The following ZNF747 variants were observed in gnomAD, a reference collection of about 807,000 sequenced individuals.
ZNF747 encodes the protein KRAB domain-containing protein ZNF747.
Under a neutral mutation model 13.4 loss-of-function variants are expected in ZNF747, and 14 were observed. The ratio of observed to expected loss-of-function variants is 1.04; its 90% CI spans 0.69 to 1.63. The LOEUF is 1.63. Among genes scored for constraint, ZNF747 ranks in the 40% most tolerant of loss-of-function variants. The probability of loss-of-function intolerance (pLI) is 0.00; values close to 1 mark genes in which losing one functional copy is unlikely to be tolerated. For synonymous variants in ZNF747, 212 were observed against 206.5 expected (o/e 1.03, Z -0.23); for missense variants, 532 against 477.9 (o/e 1.11, Z -1.05).
rs919663827 is a variant in ZNF747 at position 30,533,163 on chromosome 16, G to A, written c.344-12C>T. ...GTTTCTGGAATCTGCTGAAAGATAAGGAGGCGAGAGTTCAGGCTTGGCTCA... is the reference window on the plus strand; with the variant it reads ...GTTTCTGGAATCTGCTGAAAGATAAAGAGGCGAGAGTTCAGGCTTGGCTCA... On this transcript the variant is annotated splice_polypyrimidine_tract_variant and intron_variant, in intron 2 of 2. Coordinates refer to ENST00000693075, the MANE Select transcript of ZNF747 (RefSeq NM_001305018.2). 4 of 1,612,014 alleles carry A rather than the reference G, an allele frequency of 2.5e-6. No individual in the cohort carries two copies. The highest frequency in any genetic ancestry group is 2.2e-5 in the East Asian group (1 of 44,882).
chr16:30,532,079 T>G lies in ZNF747; in HGVS notation c.*420A>C. ...AGGAGAATCGCTTGACTCCAGGAGG[T>G]GGAAGTTGCAGTGAGTCGAGATCGC... On this transcript the variant is annotated 3_prime_UTR_variant, in exon 3 of 3. Transcript: ENST00000693075. The G allele has an allele frequency of 5.4e-6, 1 of 184,934 alleles. No homozygotes were observed. Among genetic ancestry groups the G allele is most frequent in the South Asian group, 9.5e-5 (1 of 10,484 alleles). The allele number at this position is 184,934 out of a possible 1,614,324, so 11.5% of individuals were successfully genotyped here.
Position 30,532,767 on chromosome 16 carries a change from C to T in ZNF747, c.728G>A (p.Cys243Tyr), listed in dbSNP as rs753569798. Reference protein sequence around the residue: ...RGERPHRCPECGRAFMRRTAL... With the variant: ...RGERPHRCPEYGRAFMRRTAL... ...CGTGCGGCGCATGAAGGCCCGACCA[C>T]ACTCGGGACAGCGGTGGGGCCGCTC... is the stretch of plus-strand genomic sequence containing the variant. Residue 243 changes from cysteine (C) to tyrosine (Y), a missense_variant, in exon 3 of 3, where the codon TGT becomes TAT. Transcript: ENST00000693075. 1.3e-6 allele frequency: 2 copies of T among 1,548,248 alleles called. No homozygotes were observed. The highest frequency in any genetic ancestry group is 1.7e-6 in the Non-Finnish European group (2 of 1,149,326).
Position 30,534,719 on chromosome 16 carries a change from C to T in ZNF747, c.-40G>A, listed in dbSNP as rs1194159702. ...CCTGGGCATGCGGAACCTCCCGCGC[C>T]CGAGAACACTTCCCCGGCCCGGTAC... is the stretch of plus-strand genomic sequence containing the variant. On this transcript the variant is annotated 5_prime_UTR_variant, in exon 1 of 3. Transcript: ENST00000693075. The T allele has an allele frequency of 6.8e-7, 1 of 1,477,674 alleles. No homozygotes were observed. Among genetic ancestry groups the T allele is most frequent in the South Asian group, 1.3e-5 (1 of 75,052 alleles). 91.5% of individuals were successfully genotyped at this position (1,477,674 alleles called of 1,614,324 possible).
In ZNF747 at chr16:30,533,081, C is replaced by T. The variant is rs1160740914; in HGVS notation, c.414G>A (p.Val138=). The change falls in exon 3 of 3, where the codon GTG becomes GTA. Residue 138 remains valine, a synonymous_variant. Transcript: ENST00000693075. ...GTGALEKPDP[V]AAGSPGLKAP... Reference sequence around the variant, plus strand: ...CCTTCAGCCCAGGAGACCCGGCGGCCACAGGGTCGGGCTTCTCCAGGGCTC... The same window carrying T: ...CCTTCAGCCCAGGAGACCCGGCGGCTACAGGGTCGGGCTTCTCCAGGGCTC... 1.4e-5 allele frequency: 22 copies of T among 1,612,664 alleles called. No homozygotes were observed. Among genetic ancestry groups the T allele is most frequent in the Non-Finnish European group, 1.8e-5 (21 of 1,180,032 alleles).
chr16:30,532,788 C>T lies in ZNF747; in HGVS notation c.707G>A (p.Arg236Gln), dbSNP rs781517121. 1.9e-6 allele frequency: 3 copies of T among 1,554,720 alleles called. No individual in the cohort carries two copies. The highest frequency in any genetic ancestry group is 1.2e-5 in the South Asian group (1 of 85,124). The change falls in exon 3 of 3, where the codon CGG (arginine) becomes CAG (glutamine). Residue 236 changes from arginine (R) to glutamine (Q), a missense_variant. By Grantham distance (43) the Arg-to-Gln change is conservative (BLOSUM62 1). Coordinates refer to ENST00000693075, the MANE Select transcript of ZNF747 (RefSeq NM_001305018.2). ...SKHRAIHRGE[R>Q]PHRCPECGRA... ...ACCACACTCGGGACAGCGGTGGGGC[C>T]GCTCCCCACGATGGATGGCCCGGTG...
Position 30,534,238 on chromosome 16 carries a change from T to C in ZNF747, c.302A>G (p.Gln101Arg), listed in dbSNP as rs749251836. The stretch of plus-strand genomic sequence containing the variant: ...CGGACACTTCGCCACCTCCGGATCC[T>C]GGGCAGCCGGATCCCACAGTTCGGC... Reference protein sequence around the residue: ...EKAELWDPAAQDPEVAKCPTE... With the variant: ...EKAELWDPAARDPEVAKCPTE... Residue 101 changes from glutamine (Q) to arginine (R), a missense_variant, in exon 2 of 3, where the codon CAG becomes CGG. Physicochemically the swap from Gln to Arg is conservative, Grantham distance 43. Transcript: ENST00000693075. 8 of 1,607,228 alleles carry C rather than the reference T, an allele frequency of 5.0e-6. No homozygotes were observed. Among genetic ancestry groups the C allele is most frequent in the African/African-American group, 4.0e-5 (3 of 74,722 alleles).
At position 30,534,648 on chromosome 16, in the gene ZNF747, G is replaced by A; in HGVS notation, c.32C>T (p.Pro11Leu). The A allele has an allele frequency of 6.4e-7, 1 of 1,565,334 alleles. No homozygotes were observed. Among genetic ancestry groups the A allele is most frequent in the Admixed American group, 1.8e-5 (1 of 54,610 alleles). The change falls in exon 1 of 3, where the codon CCC (proline) becomes CTC (leucine). Residue 11 changes from proline to leucine, a missense_variant. Transcript: ENST00000693075. The part of the protein sequence containing the change: MTDPSLGLTV[P>L]MAPPLAPLPP... ...GAGCGGGGCCAGAGGCGGCGCCATG[G>A]GGACTGTCAGCCCCAGCGACGGATC...
In ZNF747 at chr16:30,532,370, A is replaced by G; in HGVS notation, c.*129T>C. ...AAGAGGCTGCTGAGAGCCCAAGATC[A>G]GACTGTCCGCACCCCAGGCCAGCTC... is the stretch of plus-strand genomic sequence containing the variant. On this transcript the variant is annotated 3_prime_UTR_variant, in exon 3 of 3. Transcript: ENST00000693075. 1 of 1,067,306 alleles carries G rather than the reference A, an allele frequency of 9.4e-7. No individual in the cohort carries two copies. Among genetic ancestry groups the G allele is most frequent in the South Asian group, 1.5e-5 (1 of 66,752 alleles). The allele number at this position is 1,067,306 out of a possible 1,614,324, so 66.1% of individuals were successfully genotyped here. A position where few individuals can be genotyped will look rare whatever the true frequency, so the allele number is the denominator to read the frequency against.
chr16:30,532,758 G>A lies in ZNF747; in HGVS notation c.737C>T (p.Ala246Val), dbSNP rs1412648728. The A allele has an allele frequency of 2.6e-6, 4 of 1,545,814 alleles. No homozygotes were observed. In the South Asian group the frequency reaches 4.7e-5, roughly 18 times the overall value. ...RPHRCPECGR[A>V]FMRRTALTSH... ...AGTCAGCGCCGTGCGGCGCATGAAG[G>A]CCCGACCACACTCGGGACAGCGGTG... Residue 246 changes from alanine to valine, a missense_variant, in exon 3 of 3, where the codon GCC (alanine) becomes GTC (valine). By Grantham distance (64) the Ala-to-Val change is moderately conservative. Transcript: ENST00000693075.
chr16:30,534,437 G>A lies in ZNF747; in HGVS notation c.229+14C>T. 6.3e-7 allele frequency: 1 copy of A among 1,576,940 alleles called. No individual in the cohort carries two copies. The highest frequency in any genetic ancestry group is 1.8e-5 in the Admixed American group (1 of 54,560). ...TGGAGGCGCAGGGCCCAGGCAAGCA[G>A]GTGGGGCTCTCACCGAGCGCGCCCA... On this transcript the variant is annotated intron_variant, in intron 1 of 2. Transcript: ENST00000693075.
In ZNF747 at chr16:30,532,569, G is replaced by A. The variant is rs2051390574; in HGVS notation, c.926C>T (p.Pro309Leu). The A allele has an allele frequency of 6.3e-7, 1 of 1,581,742 alleles. No individual in the cohort carries two copies. Among genetic ancestry groups the A allele is most frequent in the African/African-American group, 1.4e-5 (1 of 74,052 alleles). The change falls in exon 3 of 3, where the codon CCT becomes CTT. Residue 309 changes from proline (P) to leucine (L), a missense_variant. By Grantham distance (98) the Pro-to-Leu change is moderately conservative. Transcript: ENST00000693075. The stretch of plus-strand genomic sequence containing the variant: ...AGGCGGGTCCAGGTCCCCGCGGACA[G>A]GAGTCAGGGTCACAGACAGCCCCCC... Reference protein sequence around the residue: ...RPGGLSVTLTPVRGDLDPPVG... With the variant: ...RPGGLSVTLTLVRGDLDPPVG...
At position 30,532,427 on chromosome 16, in the gene ZNF747, C is replaced by T. The variant is rs1204079956; in HGVS notation, c.*72G>A. Reference sequence around the variant, plus strand: ...TGGATTCTGGGACCTCCCTGCAGGCCGCTGCAGAGGTTCGGGCCCCTGAGC... The same window carrying T: ...TGGATTCTGGGACCTCCCTGCAGGCTGCTGCAGAGGTTCGGGCCCCTGAGC... On this transcript the variant is annotated 3_prime_UTR_variant, in exon 3 of 3. Transcript: ENST00000693075. 8 of 1,502,264 alleles carry T rather than the reference C, an allele frequency of 5.3e-6. No individual in the cohort carries two copies. The highest frequency in any genetic ancestry group is 1.7e-4 in the Middle Eastern group (1 of 5,856). 93.1% of individuals were successfully genotyped at this position (1,502,264 alleles called of 1,614,324 possible).
rs1021507651 is a variant in ZNF747 at position 30,530,679 on chromosome 16, A to C, written c.*1820T>G. On this transcript the variant is annotated 3_prime_UTR_variant, in exon 3 of 3. Transcript: ENST00000693075. This position sits in a 1 kb window ranked among gnomAD's most constrained non-coding sequence, Gnocchi z 4.4. ...GATGAGGTTCGAATAAAGTCAGTTC[A>C]TTACTTGACACCCGAACAGTGTCTT... 9 of 152,244 alleles carry C rather than the reference A, an allele frequency of 5.9e-5. No homozygotes were observed. The highest frequency in any genetic ancestry group is 2.2e-4 in the African/African-American group (9 of 41,462). 9.4% of individuals were successfully genotyped at this position (152,244 alleles called of 1,614,324 possible).
At position 30,532,908 on chromosome 16, in the gene ZNF747, G is replaced by A; in HGVS notation, c.587C>T (p.Thr196Ile). 1 of 1,602,434 alleles carries A rather than the reference G, an allele frequency of 6.2e-7. No individual in the cohort carries two copies. Among genetic ancestry groups the A allele is most frequent in the Non-Finnish European group, 8.5e-7 (1 of 1,176,766 alleles). Residue 196 changes from threonine (T) to isoleucine (I), a missense_variant, in exon 3 of 3, where the codon ACA (threonine) becomes ATA (isoleucine). Thr to Ile is a moderately conservative substitution (Grantham distance 89). Transcript: ENST00000693075. ...GTGGCTGTAAATGTGCTCCACCAGTGTGGAGCGCCAGGCGAAGCTCTTCCC... is the reference window on the plus strand; with the variant it reads ...GTGGCTGTAAATGTGCTCCACCAGTATGGAGCGCCAGGCGAAGCTCTTCCC... ...VCGKSFAWRS[T>I]LVEHIYSHRG...
At position 30,534,636 on chromosome 16, in the gene ZNF747, G is replaced by A. The variant is rs766663048; in HGVS notation, c.44C>T (p.Pro15Leu). The change falls in exon 1 of 3, where the codon CCT becomes CTT. Residue 15 changes from proline (P) to leucine (L), a missense_variant. Coordinates refer to ENST00000693075, the MANE Select transcript of ZNF747 (RefSeq NM_001305018.2). ...GTCCCGGGGAGGGAGCGGGGCCAGA[G>A]GCGGCGCCATGGGGACTGTCAGCCC... ...SLGLTVPMAP[P>L]LAPLPPRDPN... The A allele has an allele frequency of 9.5e-6, 15 of 1,575,140 alleles. No individual in the cohort carries two copies. Among genetic ancestry groups the A allele is most frequent in the Non-Finnish European group, 1.3e-5 (15 of 1,165,374 alleles).
rs1412638867 is a variant in ZNF747, at chr16:30,530,495, A to C, written c.*2004T>G. On this transcript the variant is annotated 3_prime_UTR_variant, in exon 3 of 3. Coordinates refer to ENST00000693075, the MANE Select transcript of ZNF747 (RefSeq NM_001305018.2). The surrounding 1 kb of genome is among the most constrained non-coding windows in gnomAD (Gnocchi z 4.4). The stretch of plus-strand genomic sequence containing the variant: ...GCTGTGTTGAGGGTTAGGGGAGGGG[A>C]CTGAGATGTACACTGGAAATTAAAA... 1.6e-4 allele frequency: 24 copies of C among 152,024 alleles called. No individual in the cohort carries two copies. Among genetic ancestry groups the C allele is most frequent in the Admixed American group, 1.6e-3 (24 of 15,252 alleles). 9.4% of individuals were successfully genotyped at this position (152,024 alleles called of 1,614,324 possible).
In ZNF747 at chr16:30,534,538, G is replaced by A. The variant is rs201845914; in HGVS notation, c.142C>T (p.Arg48Trp). The A allele has an allele frequency of 2.6e-4, 412 of 1,609,208 alleles. 6 individuals carry two copies. The South Asian group carries it at 4.3e-3, about 17-fold the overall frequency. Reference sequence around the variant, plus strand: ...GGCCGCAGGCAGCCCCACTCCTCCCGGGAGAAGTACACGGCCACGTCGGCG... The same window carrying A: ...GGCCGCAGGCAGCCCCACTCCTCCCAGGAGAAGTACACGGCCACGTCGGCG... ...SFADVAVYFS[R>W]EEWGCLRPAQ... Residue 48 changes from arginine (R) to tryptophan (W), a missense_variant, in exon 1 of 3, where the codon CGG becomes TGG. Arg to Trp is a moderately radical substitution (Grantham distance 101). Transcript: ENST00000693075.
At position 30,532,731 on chromosome 16, in the gene ZNF747, G is replaced by A; in HGVS notation, c.764C>T (p.Ser255Phe). Residue 255 changes from serine to phenylalanine, a missense_variant, in exon 3 of 3, where the codon TCT becomes TTT. By Grantham distance (155) the Ser-to-Phe change is radical (BLOSUM62 -2). Coordinates refer to ENST00000693075, the MANE Select transcript of ZNF747 (RefSeq NM_001305018.2). ...CTCGCCAGTGTGAACGCGCAGGTGA[G>A]AAGTCAGCGCCGTGCGGCGCATGAA... ...RAFMRRTALT[S>F]HLRVHTGEKP... 6.5e-7 allele frequency: 1 copy of A among 1,541,178 alleles called. No individual in the cohort carries two copies. The highest frequency in any genetic ancestry group is 2.4e-5 in the East Asian group (1 of 40,970).
intron 2 of ZNF747, 140 bp downstream of exon 2, chr16:30,534,057 C>T (rs953713671): frequency 1.8e-5 from 23 of 1,263,730 alleles, no homozygotes; most frequent in Non-Finnish European, 2.2e-5. Context: ...CGGAGCCAGG[C>T]AGGGGCTCAG....
Sources: allele counts gnomAD v4.1 joint callset, GRCh38; gene constraint gnomAD v4.1.1; non-coding constraint Gnocchi (gnomAD v3.1); transcripts MANE v1.5; gene names NCBI Gene and HGNC (gene_info 2026-07-23, HGNC 2026-07-21).